The following PRKCA variants were observed in gnomAD, a reference collection of about 807,000 sequenced individuals.
The protein encoded by PRKCA is protein kinase C alpha.
In PRKCA, 27 loss-of-function variants were observed where a neutral mutation model predicts 87.0. That is an observed-to-expected ratio of 0.31 (90% CI 0.23 to 0.43). The LOEUF (loss-of-function observed/expected upper bound fraction) is 0.43, where lower values mean the gene tolerates loss of function less well. PRKCA is among the 20% of genes least tolerant of loss of function. The pLI, the probability that PRKCA is intolerant of heterozygous loss-of-function variation, is 1.00. For missense variants in PRKCA, 518 were observed against 852.3 expected, an observed-to-expected ratio of 0.61 and a Z score of 4.88; for synonymous variants, 329 against 311.1, an observed-to-expected ratio of 1.06 and a Z score of -0.61.
intron 8 of PRKCA, among the ~76,000 whole-genome samples, chr17:66,713,285 T>C (rs1229450422): frequency 2.0e-5 from 3 of 152,024 alleles, no homozygotes. Context: ...GTCCTGACCT[T>C]GTGATCTGCC....
chr17:66,529,556 T>G (rs1193373240), intron 3 of PRKCA, among the ~76,000 whole-genome samples: 2 of 152,180 alleles, frequency 1.3e-5, no homozygotes, highest in African/African-American at 4.8e-5. Flanking sequence ...TGGGGTCACC[T>G]GGGAGGGAGT....
intron 2 of PRKCA, among the ~76,000 whole-genome samples, chr17:66,419,171 T>A (rs1163251734): frequency 6.6e-6 from 1 of 152,194 alleles, no homozygotes; most frequent in Non-Finnish European, 1.5e-5. Flanking sequence ...AGAATACTAG[T>A]TCAATGATTA....
At chr17:66,687,560 G>T (rs1277726678) in intron 6 of PRKCA, among the ~76,000 whole-genome samples, 1 of 152,196 alleles carries the variant, frequency 6.6e-6, no homozygotes, top group African/African-American at 2.4e-5. Flanking sequence ...CTAAAAATGT[G>T]TCAGGTGTGT....
chr17:66,698,360 A>C (rs1972978704), intron 8 of PRKCA, among the ~76,000 whole-genome samples: 1 of 152,200 alleles, frequency 6.6e-6, no homozygotes, highest in African/African-American at 2.4e-5. Flanking sequence ...CAGACAACAA[A>C]ATCAGAAAAA....
intron 2 of PRKCA, among the ~76,000 whole-genome samples, chr17:66,367,231 G>A (rs1315808002): frequency 6.6e-6 from 1 of 152,236 alleles, no homozygotes; most frequent in Non-Finnish European, 1.5e-5. Context: ...GGAAGTTGAT[G>A]TTAGGAATTA....
intron 3 of PRKCA, among the ~76,000 whole-genome samples, chr17:66,541,906 A>G (rs968659159): frequency 6.6e-6 from 1 of 152,200 alleles, no homozygotes; most frequent in Admixed American, 6.5e-5. Flanking sequence ...ATGAGCCCCT[A>G]AAATGTTTTT....
At chr17:66,801,183 C>A (rs73333221) in intron 16 of PRKCA, among the ~76,000 whole-genome samples, 206 of 152,372 alleles carry the variant, frequency 1.4e-3, no homozygotes, top group African/African-American at 4.8e-3. Context: ...TGCCCTCACT[C>A]TGATCTTAGG....
intron 3 of PRKCA, among the ~76,000 whole-genome samples, chr17:66,531,200 C>T (rs987204565): frequency 1.3e-5 from 2 of 152,204 alleles, no homozygotes; most frequent in Non-Finnish European, 2.9e-5. Context: ...AGGACTCCTG[C>T]ATGTTCATCT....
chr17:66,519,764 C>G (rs1967095472), intron 3 of PRKCA, among the ~76,000 whole-genome samples: 1 of 152,218 alleles, frequency 6.6e-6, no homozygotes, highest in South Asian at 2.1e-4. Flanking sequence ...TCACACACCA[C>G]AGATCTTCTG....
chr17:66,568,586 A>T (rs998929563), intron 3 of PRKCA, among the ~76,000 whole-genome samples: 1 of 152,132 alleles, frequency 6.6e-6, no homozygotes, highest in Non-Finnish European at 1.5e-5. Context: ...GCTGGTGTGG[A>T]GCTAATGAAG....
intron 2 of PRKCA, among the ~76,000 whole-genome samples, chr17:66,495,525 G>GTATTT (rs56718851): frequency 0.22 from 30,662 of 137,152 alleles, 3,862 homozygotes; most frequent in East Asian, 0.3. Context: ...ATGGTGCAAA[G>GTATTT]TATTTTATTT....
At chr17:66,429,285 T>G (rs1912978131) in intron 2 of PRKCA, among the ~76,000 whole-genome samples, 1 of 152,224 alleles carries the variant, frequency 6.6e-6, no homozygotes, top group Non-Finnish European at 1.5e-5. Flanking sequence ...TCTTCCAAAA[T>G]GAAGATTGAC....
chr17:66,363,350 T>C (rs1908510009), intron 2 of PRKCA, among the ~76,000 whole-genome samples: 1 of 152,236 alleles, frequency 6.6e-6, no homozygotes, highest in Non-Finnish European at 1.5e-5. Context: ...GAAGGAATCT[T>C]AGAGGAAACA....
In PRKCA at chr17:66,496,312, G is replaced by T. The variant is rs1341431775; in HGVS notation, c.288+29G>T. The T allele has an allele frequency of 3.2e-6, 5 of 1,569,292 alleles. No individual in the cohort carries two copies. The East Asian group carries it at 1.1e-4, about 35-fold the overall frequency. ...AGTAGTCCTGAAATCATGATTTGATGTCAATGTGGATTTCTGAGCTTTAAT... is the reference window on the plus strand; with the variant it reads ...AGTAGTCCTGAAATCATGATTTGATTTCAATGTGGATTTCTGAGCTTTAAT... On this transcript the variant is annotated intron_variant, in intron 3 of 16. Coordinates refer to ENST00000413366, the MANE Select transcript of PRKCA (RefSeq NM_002737.3).
chr17:66,682,176 G>A (rs1005280529), intron 5 of PRKCA, among the ~76,000 whole-genome samples: 1 of 152,204 alleles, frequency 6.6e-6, no homozygotes, highest in South Asian at 2.1e-4. Flanking sequence ...CTGGGTAGGT[G>A]GTTCTCCATC....
rs185591205 is a variant in PRKCA, at chr17:66,780,713, C to T, written c.1606-6154C>T. ...AAATAATATAAGAAAGCATAAGAAC[C>T]CACATAAAAATAAGCGCAATTTTTG... On this transcript the variant is annotated intron_variant, in intron 14 of 16. Coordinates refer to ENST00000413366, the MANE Select transcript of PRKCA (RefSeq NM_002737.3). Among the ~76,000 whole-genome samples, 3 of 151,892 alleles carry T rather than the reference C, an allele frequency of 2.0e-5. No individual in the cohort carries two copies. In the East Asian group the frequency reaches 5.9e-4, roughly 30 times the overall value.
chr17:66,744,301 G>T (rs971355964), intron 13 of PRKCA, among the ~76,000 whole-genome samples: 2 of 152,138 alleles, frequency 1.3e-5, no homozygotes, highest in Admixed American at 6.5e-5. Flanking sequence ...AATAGTCAGG[G>T]TACTGTCAGA....
intron 1 of PRKCA, 111 bp downstream of exon 1, chr17:66,303,135 C>T (rs1904604789): frequency 1.4e-6 from 2 of 1,405,638 alleles, no homozygotes; most frequent in Non-Finnish European, 1.9e-6. Flanking sequence ...AACTTGGAAC[C>T]GGCGGGAGTC....
intron 5 of PRKCA, among the ~76,000 whole-genome samples, chr17:66,659,110 G>A (rs1381143820): frequency 6.6e-6 from 1 of 152,052 alleles, no homozygotes; most frequent in Non-Finnish European, 1.5e-5. Context: ...CATGAACCCT[G>A]ACGTTCCCTT....
Sources: gnomAD v4.1 joint callset for allele counts (sites outside exome capture counted in the v4.1 genomes callset) on GRCh38, gnomAD v4.1.1 for gene constraint, MANE v1.5 for transcripts, NCBI Gene and HGNC (gene_info 2026-07-23, HGNC 2026-07-21) for gene names.